Variants in TRPM3 observed in about 807,000 individuals in gnomAD.
TRPM3 encodes the protein transient receptor potential cation channel subfamily M member 3, also known as long transient receptor potential channel 3.
TRPM3 carries 77 observed loss-of-function variants against 181.2 expected under a neutral mutation model. The observed-to-expected ratio is 0.42, with a 90% CI of 0.35 to 0.51. TRPM3 has a LOEUF of 0.51. TRPM3 is among the 20% of genes least tolerant of loss of function. TRPM3 has a pLI of 0.01. For missense variants in TRPM3, 1,759 were observed against 2,196.7 expected, an observed-to-expected ratio of 0.80 and a Z score of 3.98; for synonymous variants, 745 against 796.4, an observed-to-expected ratio of 0.94 and a Z score of 1.09.
chr9:71,128,026 A>G (rs2074151272), intron 1 of TRPM3, among the ~76,000 whole-genome samples: 1 of 152,222 alleles, frequency 6.6e-6, no homozygotes, highest in Non-Finnish European at 1.5e-5. Context: ...CCCTTCCCAC[A>G]GCTAGTGATC....
intron 1 of TRPM3, among the ~76,000 whole-genome samples, chr9:71,044,992 T>A (rs528103450): frequency 2.5e-4 from 38 of 152,256 alleles, no homozygotes; most frequent in African/African-American, 8.2e-4. Flanking sequence ...TAACTGTTAT[T>A]GCTCTCTGTT....
chr9:70,633,432 GAC>G (rs2066274686), intron 12 of TRPM3, among the ~76,000 whole-genome samples: 2 of 152,284 alleles, frequency 1.3e-5, no homozygotes, highest in South Asian at 4.2e-4. Flanking sequence ...ACCAGTGAAA[GAC>G]ACAATCTCAG....
intron 7 of TRPM3, among the ~76,000 whole-genome samples, chr9:70,765,941 AGT>A (rs772211316): frequency 1.8e-4 from 27 of 152,206 alleles, no homozygotes; most frequent in Non-Finnish European, 3.5e-4. Flanking sequence ...ATACGGTCAT[AGT>A]ATTATGTGAA....
At chr9:71,358,922 C>A (rs544781224) in intron 1 of TRPM3, among the ~76,000 whole-genome samples, 2 of 152,300 alleles carry the variant, frequency 1.3e-5, no homozygotes, top group African/African-American at 4.8e-5. Context: ...GAGCTGCAAT[C>A]ACATCTCATG....
intron 6 of TRPM3, among the ~76,000 whole-genome samples, chr9:70,800,712 T>C (rs2088707682): frequency 6.6e-6 from 1 of 152,232 alleles, no homozygotes; most frequent in South Asian, 2.1e-4. Flanking sequence ...TAGCTTACTT[T>C]ATTGTAAGAA....
At chr9:70,834,634 G>T (rs1589028414) in intron 5 of TRPM3, among the ~76,000 whole-genome samples, 1 of 152,188 alleles carries the variant, frequency 6.6e-6, no homozygotes, top group South Asian at 2.1e-4. Context: ...TACTCTGGGG[G>T]AAGCCAGTGG....
At chr9:70,623,237 A>G (rs113714130) in intron 14 of TRPM3, among the ~76,000 whole-genome samples, 5 of 152,080 alleles carry the variant, frequency 3.3e-5, no homozygotes, top group African/African-American at 1.2e-4. Context: ...GTAGTCGCAC[A>G]TGCCTGTAAT....
chr9:70,888,028 C>G (rs777138015), intron 1 of TRPM3, among the ~76,000 whole-genome samples: 2 of 152,116 alleles, frequency 1.3e-5, no homozygotes, highest in Admixed American at 6.5e-5. Context: ...TGGTAATGAA[C>G]AGTCAAGCAG....
chr9:70,914,511 C>T lies in TRPM3; in HGVS notation c.178-50000G>A, dbSNP rs555122456. Among the ~76,000 whole-genome samples, 6 of 152,330 alleles carry T rather than the reference C, an allele frequency of 3.9e-5. No homozygotes were observed. The East Asian group carries it at 1.2e-3, about 29-fold the overall frequency. On this transcript the variant is annotated intron_variant, in intron 1 of 25. Coordinates refer to ENST00000677713, the MANE Select transcript of TRPM3 (RefSeq NM_001366145.2). ...AAGAAAATCCCTGCAGTGATGGACG[C>T]TGAAGCAGAACAGACGTGTAGTGTG...
chr9:71,296,777 C>G (rs1183893027), intron 1 of TRPM3, among the ~76,000 whole-genome samples: 1 of 152,020 alleles, frequency 6.6e-6, no homozygotes, highest in African/African-American at 2.4e-5. Flanking sequence ...GGGGTTCACA[C>G]TGAGATGGTA....
rs1332088848 is a variant in TRPM3 at position 70,530,803 on chromosome 9, C to G, written c.*5150G>C. On this transcript the variant is annotated 3_prime_UTR_variant, in exon 26 of 26. Transcript: ENST00000677713. ...TCCAACTTGTAAAAAGAAGAGAAAG[C>G]TTAGGTCAATGCAGGCTGAGAGGAA... 1 of 152,222 alleles carries G rather than the reference C, an allele frequency of 6.6e-6. No individual in the cohort carries two copies. Among genetic ancestry groups the G allele is most frequent in the Non-Finnish European group, 1.5e-5 (1 of 68,044 alleles). 9.4% of individuals were successfully genotyped at this position (152,222 alleles called of 1,614,324 possible).
At chr9:71,399,521 CTTTTGTTTTTTT>C (rs1455526766) in intron 1 of TRPM3, among the ~76,000 whole-genome samples, 5 of 107,520 alleles carry the variant, frequency 4.7e-5, no homozygotes, top group African/African-American at 1.6e-4. Flanking sequence ...CTTATATTTT[CTTTTGTTTTTTT>C]TTTTTTTTTT....
chr9:70,917,504 A>G (rs945532060), intron 1 of TRPM3: 1 of 706,640 alleles, frequency 1.4e-6, no homozygotes, highest in African/African-American at 2.0e-5. Flanking sequence ...CAAGGGAGCC[A>G]CCACGATAAC....
intron 1 of TRPM3, among the ~76,000 whole-genome samples, chr9:71,208,802 A>T (rs2079291353): frequency 6.6e-6 from 1 of 152,168 alleles, no homozygotes; most frequent in East Asian, 1.9e-4. Context: ...TTGTTGTCCC[A>T]TTTTTCAAGT....
At chr9:70,957,104 GC>G (rs2133773024) in intron 1 of TRPM3, among the ~76,000 whole-genome samples, 1 of 151,760 alleles carries the variant, frequency 6.6e-6, no homozygotes, top group Admixed American at 6.6e-5. Flanking sequence ...GGGACTACAG[GC>G]ACGCGCCACC....
chr9:71,038,932 C>T (rs76854634), intron 1 of TRPM3, among the ~76,000 whole-genome samples: 2,164 of 152,140 alleles, frequency 0.014, 38 homozygotes, highest in African/African-American at 0.048. Flanking sequence ...AACTGACCCA[C>T]GAGGCAGTGG....
At chr9:70,884,333 C>G (rs148871966) in intron 1 of TRPM3, among the ~76,000 whole-genome samples, 164 of 152,346 alleles carry the variant, frequency 1.1e-3, no homozygotes, top group African/African-American at 3.6e-3. Context: ...CTAACTCCTG[C>G]TCAGAGAACT....
intron 1 of TRPM3, among the ~76,000 whole-genome samples, chr9:70,972,762 T>C (rs2097260268): frequency 6.6e-6 from 1 of 152,092 alleles, no homozygotes; most frequent in Admixed American, 6.6e-5. Context: ...ACAAAGAGAA[T>C]CCAGGCTGGT....
At chr9:70,637,353 T>A (rs950573313) in intron 11 of TRPM3, among the ~76,000 whole-genome samples, 2 of 152,130 alleles carry the variant, frequency 1.3e-5, no homozygotes, top group South Asian at 4.1e-4. Context: ...CTGAGGCTAT[T>A]TACTGTTCCA....
Sources: gnomAD v4.1 joint callset for allele counts (sites outside exome capture counted in the v4.1 genomes callset) on GRCh38, gnomAD v4.1.1 for gene constraint, MANE v1.5 for transcripts, NCBI Gene and HGNC (gene_info 2026-07-23, HGNC 2026-07-21) for gene names.